RTTN: variants seen among roughly 807,000 people sequenced by gnomAD.
The protein encoded by RTTN is rotatin.
Under a neutral mutation model 269.2 loss-of-function variants are expected in RTTN, and 182 were observed. That is an observed-to-expected ratio of 0.68 (90% confidence interval 0.60 to 0.76). The LOEUF (loss-of-function observed/expected upper bound fraction) is 0.76. Among genes scored for constraint, RTTN ranks in the 30% least tolerant of loss-of-function variants. RTTN has a pLI of 0.00. For missense variants in RTTN, 2,545 were observed against 2,608.6 expected (o/e 0.98, Z 0.53); for synonymous variants, 1,006 against 963.5 (o/e 1.04, Z -0.82).
At chr18:70,064,766 G>T (rs545420968) in intron 35 of RTTN, among the ~76,000 whole-genome samples, 1 of 152,082 alleles carries the variant, frequency 6.6e-6, no homozygotes, top group Admixed American at 6.6e-5. Context: ...TCGTGGTGAC[G>T]GTTGCACAAC....
chr18:70,088,133 T>C lies in RTTN; in HGVS notation c.4158A>G (p.Ser1386=), dbSNP rs374588997. ...VDRDPEVRFT[S]LGLGSALTTL... The stretch of plus-strand genomic sequence containing the variant: ...TGGTCAGTGCTGATCCTAATCCCAG[T>C]GAAGTGAATCTCACCTGTTCAAATT... Residue 1386 remains serine (S), a synonymous_variant, in exon 31 of 49, where the codon TCA becomes TCG. Coordinates refer to ENST00000640769, the MANE Select transcript of RTTN (RefSeq NM_173630.4). 6.6e-5 allele frequency: 107 copies of C among 1,612,498 alleles called. No individual in the cohort carries two copies. The highest frequency in any genetic ancestry group is 8.7e-5 in the Non-Finnish European group (103 of 1,179,472).
Position 70,081,011 on chromosome 18 carries a change from A to T in RTTN, c.4375-5470T>A, listed in dbSNP as rs1568346057. ...CTCAGCCATAAAAAGGAATGAATTAATGGTATTCGCAGTGATCTGGATGAG... is the reference window on the plus strand; with the variant it reads ...CTCAGCCATAAAAAGGAATGAATTATTGGTATTCGCAGTGATCTGGATGAG... On this transcript the variant is annotated intron_variant, in intron 32 of 48. Transcript: ENST00000640769. Among the ~76,000 whole-genome samples the T allele has an allele frequency of 2.6e-5, 4 of 151,942 alleles. No individual in the cohort carries two copies. The East Asian group carries it at 7.7e-4, about 29-fold the overall frequency.
rs145664902 is a variant in RTTN, at chr18:70,191,141, C to G, written c.1008-422G>C. ...CCCAGGAGGTAGACGTTGCAGTGAG[C>G]TGAGATAGCGACACTGCACTCCAGC... On this transcript the variant is annotated intron_variant, in intron 8 of 48. Transcript: ENST00000640769. Among the ~76,000 whole-genome samples, 482 of 151,692 alleles carry G rather than the reference C, an allele frequency of 3.2e-3. 5 individuals are homozygous for G. Among genetic ancestry groups the G allele is most frequent in the African/African-American group, 0.011 (440 of 41,358 alleles).
At chr18:70,067,825 T>C (rs1263410449) in intron 34 of RTTN, among the ~76,000 whole-genome samples, 3 of 152,194 alleles carry the variant, frequency 2.0e-5, no homozygotes, top group African/African-American at 7.2e-5. Context: ...ACTAAATACC[T>C]GGCTCATTAG....
chr18:70,043,608 G>C (rs1430203186), intron 40 of RTTN, among the ~76,000 whole-genome samples: 2 of 152,180 alleles, frequency 1.3e-5, no homozygotes, highest in Non-Finnish European at 2.9e-5. Flanking sequence ...CTGAGAATAT[G>C]AGGAATGAAG....
At chr18:70,068,438 C>T (rs963545619) in intron 34 of RTTN, among the ~76,000 whole-genome samples, 1 of 152,150 alleles carries the variant, frequency 6.6e-6, no homozygotes, top group Admixed American at 6.5e-5. Context: ...AGCATAAATT[C>T]GTTAGAATCA....
intron 40 of RTTN, among the ~76,000 whole-genome samples, chr18:70,036,403 T>C (rs2057172555): frequency 6.6e-6 from 1 of 152,160 alleles, no homozygotes; most frequent in African/African-American, 2.4e-5. Context: ...ATGAACATGG[T>C]TGGAGCTCGA....
chr18:70,139,580 C>T lies in RTTN; in HGVS notation c.2788+19G>A. On this transcript the variant is annotated intron_variant, in intron 21 of 48. Coordinates refer to ENST00000640769, the MANE Select transcript of RTTN (RefSeq NM_173630.4). ...AATTTAAGAACAATCTAATTATTAGCAGATTTTCTTTTATTTACCTCTGAA... is the reference window on the plus strand; with the variant it reads ...AATTTAAGAACAATCTAATTATTAGTAGATTTTCTTTTATTTACCTCTGAA... 8.7e-6 allele frequency: 12 copies of T among 1,384,468 alleles called. No homozygotes were observed. Among genetic ancestry groups the T allele is most frequent in the Non-Finnish European group, 1.2e-5 (12 of 981,950 alleles). 85.8% of individuals were successfully genotyped at this position (1,384,468 alleles called of 1,614,324 possible).
At chr18:70,188,289 T>G in intron 9 of RTTN, 66 bp from the exon 10 acceptor site, 69 of 807,584 alleles carry the variant, frequency 8.5e-5, no homozygotes, top group Non-Finnish European at 1.4e-4. Context: ...ATCAGCTGAA[T>G]ATCATATTGC....
chr18:70,022,708 T>C (rs1418136453), intron 44 of RTTN, among the ~76,000 whole-genome samples: 1 of 152,194 alleles, frequency 6.6e-6, no homozygotes, highest in Non-Finnish European at 1.5e-5. Context: ...CAGCCATTTT[T>C]TCTATCCTCA....
chr18:70,180,093 C>T (rs949474599), intron 10 of RTTN, among the ~76,000 whole-genome samples: 2 of 151,904 alleles, frequency 1.3e-5, no homozygotes, highest in Admixed American at 1.3e-4. Context: ...TGTCATGGCT[C>T]ATGGTTCATT....
chr18:70,098,254 T>G (rs1376539547), intron 28 of RTTN, among the ~76,000 whole-genome samples: 2 of 152,116 alleles, frequency 1.3e-5, no homozygotes, highest in African/African-American at 4.8e-5. Flanking sequence ...ATCAAAAAGT[T>G]AGAAAGATCT....
intron 6 of RTTN, 148 bp from the exon 7 acceptor site, chr18:70,196,796 G>A: frequency 4.4e-6 from 3 of 679,954 alleles, no homozygotes; most frequent in Admixed American, 3.3e-5. Flanking sequence ...AACTGAAATG[G>A]GCAAATATGA....
In RTTN at chr18:70,135,209, C is replaced by A; in HGVS notation, c.2860G>T (p.Asp954Tyr). 1 of 1,540,202 alleles carries A rather than the reference C, an allele frequency of 6.5e-7. No homozygotes were observed. The highest frequency in any genetic ancestry group is 1.2e-5 in the South Asian group (1 of 81,502). ...CACATATCCATTCTCGATACTTCAT[C>A]AAATAATAGAAGACAAAATAGTGCT... ...VGALFCLLLF[D>Y]EVSRMDMWSV... Residue 954 changes from aspartate to tyrosine, a missense_variant, in exon 22 of 49, where the codon GAT (aspartate) becomes TAT (tyrosine). Asp to Tyr is a radical substitution (Grantham distance 160). Coordinates refer to ENST00000640769, the MANE Select transcript of RTTN (RefSeq NM_173630.4).
rs73964498 is a variant in RTTN, at chr18:70,097,221, G to A, written c.3904-4417C>T. 8.8e-3 allele frequency among the ~76,000 whole-genome samples: 1,342 copies of A among 152,248 alleles called. 25 individuals carry two copies. Among genetic ancestry groups the A allele is most frequent in the African/African-American group, 0.03 (1,247 of 41,524 alleles). On this transcript the variant is annotated intron_variant, in intron 28 of 48. Transcript: ENST00000640769. The stretch of plus-strand genomic sequence containing the variant: ...AAGTCTCATTTCACAGCTACAAAAA[G>A]CAAATACTCATATTCAAATTTCACT...
chr18:70,103,892 G>A (rs370101937), intron 28 of RTTN, among the ~76,000 whole-genome samples: 32 of 151,960 alleles, frequency 2.1e-4, no homozygotes, highest in African/African-American at 6.8e-4. Context: ...TGCGTGTAAC[G>A]GGACCTTTCT....
At chr18:70,181,731 CA>C (rs986325231) in intron 10 of RTTN, among the ~76,000 whole-genome samples, 2 of 152,140 alleles carry the variant, frequency 1.3e-5, no homozygotes, top group East Asian at 1.9e-4. Context: ...TGAAAACTGG[CA>C]AAAGTATGAA....
At chr18:70,196,724 T>A (rs2061818852) in intron 6 of RTTN, 76 bp from the exon 7 acceptor site, 1 of 1,343,858 alleles carries the variant, frequency 7.4e-7, no homozygotes, top group Non-Finnish European at 1.0e-6. Flanking sequence ...GGAGCTTAAG[T>A]AAGTAAGCCT....
At chr18:70,178,228 C>T (rs2061347746) in intron 10 of RTTN, among the ~76,000 whole-genome samples, 1 of 150,646 alleles carries the variant, frequency 6.6e-6, no homozygotes, top group Admixed American at 6.6e-5. Context: ...GACTCTGTCT[C>T]AAAGAAAAAA....
Sources: allele counts gnomAD v4.1 joint callset (sites outside exome capture counted in the v4.1 genomes callset), GRCh38; gene constraint gnomAD v4.1.1; transcripts MANE v1.5; gene names NCBI Gene and HGNC (gene_info 2026-07-23, HGNC 2026-07-21).